IGFBP7: variants seen among roughly 807,000 people sequenced by gnomAD.
The protein encoded by IGFBP7 is insulin like growth factor binding protein 7, also known as insulin-like growth factor-binding protein 7.
A neutral mutation model predicts 29.4 loss-of-function variants in IGFBP7; 31 were observed. That is an observed-to-expected ratio of 1.05 (90% CI 0.79 to 1.42). The LOEUF is 1.42. Among genes scored for constraint, IGFBP7 ranks in the 40% most tolerant of loss-of-function variants. The pLI, the probability that IGFBP7 is intolerant of heterozygous loss-of-function variation, is 0.00. For missense variants in IGFBP7, 393 were observed against 395.5 expected (o/e 0.99, Z 0.05); for synonymous variants, 172 against 174.9 (o/e 0.98, Z 0.13).
At chr4:57,090,761 T>C (rs1354086981) in intron 1 of IGFBP7, among the ~76,000 whole-genome samples, 1 of 152,062 alleles carries the variant, frequency 6.6e-6, no homozygotes, top group Non-Finnish European at 1.5e-5. Context: ...GGTGGGACAA[T>C]TGCTTGAACC....
At chr4:57,091,832 A>G (rs1725647894) in intron 1 of IGFBP7, among the ~76,000 whole-genome samples, 1 of 152,222 alleles carries the variant, frequency 6.6e-6, no homozygotes, top group African/African-American at 2.4e-5. Context: ...ACCCAAGGAG[A>G]GCTCCAAGGG....
At chr4:57,083,286 C>T (rs1390315875) in intron 1 of IGFBP7, among the ~76,000 whole-genome samples, 1 of 152,138 alleles carries the variant, frequency 6.6e-6, no homozygotes, top group African/African-American at 2.4e-5. Flanking sequence ...GGAAGGTCCC[C>T]ATTTCCCTGC....
intron 1 of IGFBP7, among the ~76,000 whole-genome samples, chr4:57,043,059 C>G (rs533172614): frequency 2.0e-5 from 3 of 152,198 alleles, no homozygotes; most frequent in Non-Finnish European, 4.4e-5. Flanking sequence ...TGTCCCCTGA[C>G]GGCCTGGCTT....
At chr4:57,087,510 C>T (rs1333051491) in intron 1 of IGFBP7, among the ~76,000 whole-genome samples, 1 of 152,200 alleles carries the variant, frequency 6.6e-6, no homozygotes, top group Non-Finnish European at 1.5e-5. Context: ...AATGTTATAA[C>T]ACAGGAGTCC....
chr4:57,100,071 C>CTTTTTTTTTTTTTTTTT (rs10669251), intron 1 of IGFBP7, among the ~76,000 whole-genome samples: 3 of 115,752 alleles, frequency 2.6e-5, no homozygotes, highest in Non-Finnish European at 3.3e-5. Context: ...TCTTTTCTTT[C>CTTTTTTTTTTTTTTTTT]TTTTTTTTTT....
intron 1 of IGFBP7, among the ~76,000 whole-genome samples, chr4:57,078,548 A>G (rs942777713): frequency 6.6e-6 from 1 of 152,112 alleles, no homozygotes; most frequent in Non-Finnish European, 1.5e-5. Flanking sequence ...TTAGTCTTCA[A>G]TGCAGTTCTT....
intron 2 of IGFBP7, among the ~76,000 whole-genome samples, chr4:57,038,049 A>G (rs1370649311): frequency 1.3e-5 from 2 of 152,204 alleles, no homozygotes; most frequent in Non-Finnish European, 2.9e-5. Context: ...GCTTCACTGT[A>G]AAGGATGGTA....
intron 1 of IGFBP7, among the ~76,000 whole-genome samples, chr4:57,043,723 G>A (rs1277455026): frequency 1.3e-5 from 2 of 152,162 alleles, no homozygotes; most frequent in African/African-American, 4.8e-5. Flanking sequence ...CCTGGCCAGG[G>A]GGCTTGGCTC....
chr4:57,108,574 G>A lies in IGFBP7; in HGVS notation c.475+1303C>T, dbSNP rs570406751. Among the ~76,000 whole-genome samples the A allele has an allele frequency of 1.5e-3, 230 of 151,200 alleles. 2 individuals carry two copies. Among genetic ancestry groups the A allele is most frequent in the African/African-American group, 5.2e-3 (215 of 41,166 alleles). On this transcript the variant is annotated intron_variant, in intron 1 of 4. Coordinates refer to ENST00000295666, the MANE Select transcript of IGFBP7 (RefSeq NM_001553.3). ...CTTTTTTTTTTGAGATGGGGTCTCT[G>A]TCTGTCACCCAGGCTGGAGTGCTGT...
At chr4:57,081,323 A>T (rs1341524475) in intron 1 of IGFBP7, among the ~76,000 whole-genome samples, 5 of 152,200 alleles carry the variant, frequency 3.3e-5, no homozygotes, top group South Asian at 2.1e-4. Context: ...ATTAAAAATG[A>T]CAGCTGTTAA....
At chr4:57,083,323 A>G (rs1725417829) in intron 1 of IGFBP7, among the ~76,000 whole-genome samples, 1 of 152,130 alleles carries the variant, frequency 6.6e-6, no homozygotes, top group Admixed American at 6.5e-5. Context: ...GGAGTGAGAA[A>G]TTTTCAAAAA....
intron 1 of IGFBP7, among the ~76,000 whole-genome samples, chr4:57,059,551 C>T (rs1167221413): frequency 1.3e-5 from 2 of 152,064 alleles, no homozygotes; most frequent in Non-Finnish European, 2.9e-5. Context: ...ATGATGAGAA[C>T]TCATGAACGC....
At chr4:57,050,471 C>T (rs1449643765) in intron 1 of IGFBP7, among the ~76,000 whole-genome samples, 3 of 151,248 alleles carry the variant, frequency 2.0e-5, no homozygotes, top group African/African-American at 7.3e-5. Flanking sequence ...TCTCGAACTC[C>T]TGACCTCAGG....
intron 1 of IGFBP7, among the ~76,000 whole-genome samples, chr4:57,094,024 T>C (rs1272843584): frequency 6.6e-6 from 1 of 152,174 alleles, no homozygotes; most frequent in Non-Finnish European, 1.5e-5. Context: ...GCATTCTTTG[T>C]TCCTGTGCAT....
chr4:57,076,661 G>A (rs999130063), intron 1 of IGFBP7, among the ~76,000 whole-genome samples: 4 of 152,208 alleles, frequency 2.6e-5, no homozygotes, highest in African/African-American at 9.7e-5. Context: ...AGAAGGTGAC[G>A]TGGGTGTTTA....
rs558967622 is a variant in IGFBP7 at position 57,033,856 on chromosome 4, G to C, written c.586-545C>G. Among the ~76,000 whole-genome samples the C allele has an allele frequency of 5.9e-5, 9 of 152,022 alleles. 1 individual carries two copies. The highest frequency in any genetic ancestry group is 1.0e-4 in the Non-Finnish European group (7 of 68,026). ...CACCTATCAAAGGAGTTCGAGACCA[G>C]ACTGACCAACATGACAAAACCCTGT... On this transcript the variant is annotated intron_variant, in intron 2 of 4. Coordinates refer to ENST00000295666, the MANE Select transcript of IGFBP7 (RefSeq NM_001553.3).
chr4:57,054,014 C>A (rs1450970486), intron 1 of IGFBP7, among the ~76,000 whole-genome samples: 4 of 152,196 alleles, frequency 2.6e-5, no homozygotes, highest in South Asian at 4.2e-4. Flanking sequence ...GGAAATTTCT[C>A]CTTCTTTTCT....
chr4:57,094,754 T>C (rs1451077844), intron 1 of IGFBP7, among the ~76,000 whole-genome samples: 1 of 152,242 alleles, frequency 6.6e-6, no homozygotes, highest in Non-Finnish European at 1.5e-5. Context: ...AGTTCTCTAA[T>C]GCTTGTTGCT....
chr4:57,092,418 G>A (rs1343821352), intron 1 of IGFBP7, among the ~76,000 whole-genome samples: 1 of 152,006 alleles, frequency 6.6e-6, no homozygotes, highest in African/African-American at 2.4e-5. Context: ...TAACAGGCAG[G>A]GTCCCTGGTT....
Sources: gnomAD v4.1 joint callset for allele counts (sites outside exome capture counted in the v4.1 genomes callset) on GRCh38, gnomAD v4.1.1 for gene constraint, MANE v1.5 for transcripts, NCBI Gene and HGNC (gene_info 2026-07-23, HGNC 2026-07-21) for gene names.